KIF16B: variants seen among roughly 807,000 people sequenced by gnomAD.
KIF16B encodes kinesin-like protein KIF16B.
KIF16B carries 98 observed loss-of-function variants against 156.3 expected under a neutral mutation model. The observed-to-expected ratio is 0.63, with a 90% CI of 0.53 to 0.74. KIF16B has a LOEUF of 0.74. KIF16B is among the 30% of genes least tolerant of loss of function. The probability of loss-of-function intolerance (pLI) is 0.00; values close to 1 mark genes in which losing one functional copy is unlikely to be tolerated. For missense variants in KIF16B, 1,421 were observed against 1,606.5 expected (o/e 0.88, Z 1.97); for synonymous variants, 564 against 583.7 (o/e 0.97, Z 0.49).
chr20:16,374,341 T>C lies in KIF16B; in HGVS notation c.3266A>G (p.His1089Arg), dbSNP rs1374373925. 22 of 1,607,838 alleles carry C rather than the reference T, an allele frequency of 1.4e-5. No homozygotes were observed. The highest frequency in any genetic ancestry group is 1.3e-4 in the Admixed American group (8 of 59,690). ...YEVDGVQKDH[H>R]GTLEGKVASS... ...AGCCACCTTCCCTTCCAGGGTCCCA[T>C]GATGATCTTTTTGAACACCATCGAC... The change falls in exon 20 of 26, where the codon CAT becomes CGT. Residue 1089 changes from histidine to arginine, a missense_variant. Transcript: ENST00000354981.
At chr20:16,455,020 C>G (rs1326204347) in intron 12 of KIF16B, among the ~76,000 whole-genome samples, 4 of 152,134 alleles carry the variant, frequency 2.6e-5, no homozygotes, top group African/African-American at 7.2e-5. Flanking sequence ...GGGCTGAAAA[C>G]AGCCCCTCAA....
At chr20:16,447,425 G>A (rs902781498) in intron 12 of KIF16B, among the ~76,000 whole-genome samples, 12 of 152,064 alleles carry the variant, frequency 7.9e-5, no homozygotes, top group African/African-American at 2.4e-4. Flanking sequence ...GACCTGCAAC[G>A]TCACTAGGAA....
chr20:16,387,203 G>A (rs1481333492), intron 17 of KIF16B, among the ~76,000 whole-genome samples: 1 of 152,200 alleles, frequency 6.6e-6, no homozygotes, highest in Non-Finnish European at 1.5e-5. Flanking sequence ...TAATAATGAA[G>A]GGGCCGGTGG....
intron 23 of KIF16B, among the ~76,000 whole-genome samples, chr20:16,349,160 G>A (rs1373841259): frequency 6.6e-6 from 1 of 152,162 alleles, no homozygotes; most frequent in Non-Finnish European, 1.5e-5. Flanking sequence ...ACTTCACTCT[G>A]GTCCTTTTAA....
At chr20:16,354,671 C>T (rs1166518189) in intron 23 of KIF16B, among the ~76,000 whole-genome samples, 4 of 152,168 alleles carry the variant, frequency 2.6e-5, no homozygotes, top group Non-Finnish European at 2.9e-5. Context: ...AAAGGCTGGG[C>T]GCGGTGGCTC....
chr20:16,410,096 TATATATATATGTAGGTAC>T (rs763779457), intron 15 of KIF16B, among the ~76,000 whole-genome samples: 2,393 of 91,016 alleles, frequency 0.026, 99 homozygotes, highest in African/African-American at 0.046. Context: ...TGTAGGTACA[TATATATATATGTAGGTAC>T]ATATATATAT....
chr20:16,415,368 T>C (rs1398248971), intron 15 of KIF16B, among the ~76,000 whole-genome samples: 1 of 152,170 alleles, frequency 6.6e-6, no homozygotes, highest in African/African-American at 2.4e-5. Flanking sequence ...AATATCCTAT[T>C]GTTCCTTCCG....
At chr20:16,573,167 G>A in intron 1 of KIF16B, 62 bp downstream of exon 1, 1 of 1,466,090 alleles carries the variant, frequency 6.8e-7, no homozygotes, top group South Asian at 1.2e-5. Flanking sequence ...GGGGGAGCTG[G>A]AAACAGGCTT....
intron 23 of KIF16B, among the ~76,000 whole-genome samples, chr20:16,352,679 A>G (rs189408983): frequency 3.3e-5 from 5 of 152,358 alleles, no homozygotes; most frequent in Admixed American, 6.5e-5. Flanking sequence ...CAATGATTTC[A>G]ATGACTAATG....
intron 15 of KIF16B, among the ~76,000 whole-genome samples, chr20:16,412,412 C>A (rs2065980290): frequency 6.6e-6 from 1 of 151,926 alleles, no homozygotes; most frequent in Non-Finnish European, 1.5e-5. Context: ...TTGGTAGTAG[C>A]CAGAGGGGAT....
chr20:16,498,268 G>C (rs1425384473), intron 10 of KIF16B, among the ~76,000 whole-genome samples: 1 of 152,096 alleles, frequency 6.6e-6, no homozygotes, highest in Non-Finnish European at 1.5e-5. Context: ...GAGGGAAACG[G>C]AATCAGGCTG....
At position 16,526,134 on chromosome 20, in the gene KIF16B, A is replaced by T. The variant is rs2069533781; in HGVS notation, c.189T>A (p.Tyr63Ter). 6.2e-7 allele frequency: 1 copy of T among 1,609,924 alleles called. No individual in the cohort carries two copies. Among genetic ancestry groups the T allele is most frequent in the South Asian group, 1.1e-5 (1 of 89,886 alleles). ...AATCTGGGCTTTTTGTATCAGCAGA[A>T]TAAAAAGAAAAGTCATAGGTGAAGG... ...TKTFTYDFSF[Y>*]SADTKSPDYV... Residue 63 changes from tyrosine (Y) to a stop codon, truncating the protein, a stop_gained, in exon 3 of 26, where the codon TAT (tyrosine) becomes TAA (stop). Coordinates refer to ENST00000354981, the MANE Select transcript of KIF16B (RefSeq NM_024704.5). LOFTEE classifies it high-confidence loss of function.
chr20:16,296,955 G>A (rs532205567), intron 25 of KIF16B, among the ~76,000 whole-genome samples: 3 of 152,228 alleles, frequency 2.0e-5, no homozygotes, highest in Non-Finnish European at 4.4e-5. Flanking sequence ...AAACTCCAGA[G>A]AGTAAGAGGG....
chr20:16,394,900 G>C (rs1568930653), intron 17 of KIF16B, among the ~76,000 whole-genome samples: 1 of 152,022 alleles, frequency 6.6e-6, no homozygotes, highest in Non-Finnish European at 1.5e-5. Context: ...AGCAGATTCT[G>C]TTTCTGAAGC....
intron 1 of KIF16B, among the ~76,000 whole-genome samples, chr20:16,562,453 T>G (rs1481176126): frequency 6.6e-6 from 1 of 152,212 alleles, no homozygotes; most frequent in African/African-American, 2.4e-5. Flanking sequence ...ATAGGAGGAT[T>G]GTCAAGATGC....
intron 24 of KIF16B, among the ~76,000 whole-genome samples, chr20:16,317,513 AC>A (rs1444676790): frequency 6.6e-6 from 1 of 152,234 alleles, no homozygotes; most frequent in Non-Finnish European, 1.5e-5. Context: ...TCCCCTTACA[AC>A]TTTTTTGGAG....
At chr20:16,439,613 A>G (rs1372099608) in intron 12 of KIF16B, among the ~76,000 whole-genome samples, 2 of 152,130 alleles carry the variant, frequency 1.3e-5, no homozygotes. Flanking sequence ...CCAATGAGTG[A>G]GATTGTATTA....
chr20:16,508,756 G>A (rs1053064122), intron 6 of KIF16B, among the ~76,000 whole-genome samples: 1 of 152,142 alleles, frequency 6.6e-6, no homozygotes, highest in African/African-American at 2.4e-5. Flanking sequence ...TTAAAAAAAG[G>A]TTAGCTATTA....
intron 12 of KIF16B, among the ~76,000 whole-genome samples, chr20:16,454,366 ATATATT>A (rs2067160299): frequency 6.7e-6 from 1 of 149,040 alleles, no homozygotes. Context: ...ATATATATTT[ATATATT>A]AAGTTTTATA....
Sources: gnomAD v4.1 joint callset for allele counts (sites outside exome capture counted in the v4.1 genomes callset) on GRCh38, gnomAD v4.1.1 for gene constraint, MANE v1.5 for transcripts, NCBI Gene and HGNC (gene_info 2026-07-23, HGNC 2026-07-21) for gene names.